DLGAP2: variants seen among roughly 807,000 people sequenced by gnomAD.
DLGAP2 encodes the protein DLG associated protein 2.
DLGAP2 carries 26 observed loss-of-function variants against 100.3 expected under a neutral mutation model. The ratio of observed to expected loss-of-function variants is 0.26; its 90% CI spans 0.19 to 0.36. The LOEUF (loss-of-function observed/expected upper bound fraction) is 0.36, where lower values mean the gene tolerates loss of function less well. Among genes scored for constraint, DLGAP2 ranks in the 10% least tolerant of loss-of-function variants. The probability of loss-of-function intolerance (pLI) is 1.00; values close to 1 mark genes in which losing one functional copy is unlikely to be tolerated. For missense variants in DLGAP2, 1,858 were observed against 1,453.2 expected (o/e 1.28, Z -4.53); for synonymous variants, 886 against 630.1 (o/e 1.41, Z -6.08).
intron 3 of DLGAP2, among the ~76,000 whole-genome samples, chr8:1,488,318 T>A (rs1799282870): frequency 6.6e-6 from 1 of 152,112 alleles, no homozygotes; most frequent in Non-Finnish European, 1.5e-5. Flanking sequence ...GGGTGGCTCT[T>A]CCATGGAGGC....
At chr8:849,688 C>T (rs1797144137) in intron 1 of DLGAP2, among the ~76,000 whole-genome samples, 1 of 152,152 alleles carries the variant, frequency 6.6e-6, no homozygotes, top group Admixed American at 6.5e-5. Context: ...TACTGCATTT[C>T]CCCTGATAAC....
At chr8:1,172,845 C>G (rs981173835) in intron 2 of DLGAP2, among the ~76,000 whole-genome samples, 2 of 151,882 alleles carry the variant, frequency 1.3e-5, no homozygotes, top group Admixed American at 6.6e-5. Context: ...TCCTGTAGCT[C>G]GTAGTTTGAT....
rs1431064796 is a variant in DLGAP2 at position 1,015,086 on chromosome 8, G to A, written c.73+107120G>A. On this transcript the variant is annotated intron_variant, in intron 2 of 14. Coordinates refer to ENST00000637795, the MANE Select transcript of DLGAP2 (RefSeq NM_001346810.2). ...GACAGACGGTGCCTCCACTGTGTGT[G>A]TGACCAGGACAGACGCCTCCACTGT... Among the ~76,000 whole-genome samples the A allele has an allele frequency of 3.1e-3, 94 of 29,858 alleles. 2 individuals carry two copies. Among genetic ancestry groups the A allele is most frequent in the Non-Finnish European group, 4.2e-3 (64 of 15,228 alleles). The allele number at this position is 29,858 out of a possible 152,430, so 19.6% of individuals were successfully genotyped here.
chr8:744,016 CCT>C (rs1430437216), intron 1 of DLGAP2, among the ~76,000 whole-genome samples: 1 of 152,216 alleles, frequency 6.6e-6, no homozygotes, highest in African/African-American at 2.4e-5. Flanking sequence ...CTTCACGTTT[CCT>C]CTGAGTCTTT....
chr8:1,450,961 C>T (rs1436416122), intron 3 of DLGAP2, among the ~76,000 whole-genome samples: 2 of 152,112 alleles, frequency 1.3e-5, no homozygotes, highest in African/African-American at 2.4e-5. Context: ...TTTGGAAATG[C>T]ATCATACCTC....
At chr8:1,451,830 C>T (rs1798167896) in intron 3 of DLGAP2, among the ~76,000 whole-genome samples, 1 of 152,222 alleles carries the variant, frequency 6.6e-6, no homozygotes, top group Non-Finnish European at 1.5e-5. Flanking sequence ...AGCTGGCCCA[C>T]ATTCGCTGCG....
chr8:1,158,964 G>A (rs1181895909), intron 2 of DLGAP2, among the ~76,000 whole-genome samples: 3 of 152,178 alleles, frequency 2.0e-5, no homozygotes, highest in Non-Finnish European at 4.4e-5. Flanking sequence ...CCTCTTAAAG[G>A]TACAGAACTT....
chr8:768,418 ATTTTTTTTTTT>A (rs58234397), intron 1 of DLGAP2, among the ~76,000 whole-genome samples: 43 of 99,960 alleles, frequency 4.3e-4, no homozygotes, highest in Non-Finnish European at 7.0e-4. Context: ...GAAGGCGTTG[ATTTTTTTTTTT>A]TTTTTTTTTT....
intron 1 of DLGAP2, among the ~76,000 whole-genome samples, chr8:853,644 C>G (rs553197402): frequency 3.3e-5 from 5 of 152,308 alleles, no homozygotes; most frequent in African/African-American, 1.2e-4. Flanking sequence ...CGCAAGCAGC[C>G]GTTCTAGGGA....
At chr8:1,415,401 G>T in intron 3 of DLGAP2, among the ~76,000 whole-genome samples, 1 of 152,114 alleles carries the variant, frequency 6.6e-6, no homozygotes, top group East Asian at 1.9e-4. Flanking sequence ...AGGTGCAAAT[G>T]ATCCCATCAC....
chr8:1,078,844 A>G (rs1020922322), intron 2 of DLGAP2, among the ~76,000 whole-genome samples: 4 of 152,256 alleles, frequency 2.6e-5, no homozygotes, highest in Admixed American at 2.0e-4. Flanking sequence ...TTTGTCAGCT[A>G]GAAATAAAGC....
At chr8:1,018,519 G>A (rs1236924996) in intron 2 of DLGAP2, among the ~76,000 whole-genome samples, 1 of 152,220 alleles carries the variant, frequency 6.6e-6, no homozygotes, top group Non-Finnish European at 1.5e-5. Flanking sequence ...AGTCCCAGTG[G>A]CTGAAGGCCT....
intron 3 of DLGAP2, among the ~76,000 whole-genome samples, chr8:1,486,431 C>G (rs77159548): frequency 1.3e-5 from 2 of 152,144 alleles, no homozygotes; most frequent in South Asian, 4.2e-4. Context: ...AAAGGACTGC[C>G]ATGTGGTGGC....
chr8:1,495,888 C>A (rs572350697), intron 3 of DLGAP2, among the ~76,000 whole-genome samples: 1 of 152,180 alleles, frequency 6.6e-6, no homozygotes, highest in African/African-American at 2.4e-5. Flanking sequence ...ACAGCCCCTG[C>A]GGCCACTGGG....
intron 3 of DLGAP2, among the ~76,000 whole-genome samples, chr8:1,419,755 T>A (rs1358848361): frequency 6.6e-6 from 1 of 152,194 alleles, no homozygotes; most frequent in East Asian, 1.9e-4. Context: ...CTTATAATGT[T>A]GGTGAGAATA....
intron 3 of DLGAP2, among the ~76,000 whole-genome samples, chr8:1,377,244 G>A (rs1417509740): frequency 6.6e-6 from 1 of 152,226 alleles, no homozygotes; most frequent in African/African-American, 2.4e-5. Context: ...GGAGGGGGCT[G>A]CTTAATGCAC....
intron 2 of DLGAP2, chr8:1,105,024 A>G (rs568234949): frequency 6.6e-6 from 1 of 152,288 alleles, no homozygotes; most frequent in Admixed American, 6.5e-5. Flanking sequence ...CAGGTGCCAC[A>G]CCTGATGGTC....
chr8:1,625,915 T>G (rs575158096), intron 6 of DLGAP2, among the ~76,000 whole-genome samples: 1 of 148,188 alleles, frequency 6.7e-6, no homozygotes, highest in Non-Finnish European at 1.5e-5. Context: ...GTTGGAAATG[T>G]GATGCTAGCC....
In DLGAP2 at chr8:1,674,948, C is replaced by T. The variant is rs190848841; in HGVS notation, c.2203-1585C>T. ...AAAATAACACTGATCATGTTTATGT[C>T]GAGCAAGGTAAGGTTTAATAAAGTC... On this transcript the variant is annotated intron_variant, in intron 10 of 14. Coordinates refer to ENST00000637795, the MANE Select transcript of DLGAP2 (RefSeq NM_001346810.2). Among the ~76,000 whole-genome samples, 610 of 152,222 alleles carry T rather than the reference C, an allele frequency of 4.0e-3. 1 individual carries two copies. The highest frequency in any genetic ancestry group is 8.7e-3 in the African/African-American group (362 of 41,540).
Sources: gnomAD v4.1 joint callset for allele counts (sites outside exome capture counted in the v4.1 genomes callset) on GRCh38, gnomAD v4.1.1 for gene constraint, MANE v1.5 for transcripts, NCBI Gene and HGNC (gene_info 2026-07-23, HGNC 2026-07-21) for gene names.